Variants in NCALD observed in about 807,000 individuals in gnomAD.
NCALD encodes the protein neurocalcin delta.
Under a neutral mutation model 18.6 loss-of-function variants are expected in NCALD, and 10 were observed. That is an observed-to-expected ratio of 0.54 (90% CI 0.33 to 0.91). The LOEUF (loss-of-function observed/expected upper bound fraction) is 0.91. Among genes scored for constraint, NCALD ranks in the 40% least tolerant of loss-of-function variants. The pLI, the probability that NCALD is intolerant of heterozygous loss-of-function variation, is 0.03. For missense variants in NCALD, 184 were observed against 247.6 expected (o/e 0.74, Z 1.72); for synonymous variants, 88 against 87.4 (o/e 1.01, Z -0.04).
intron 4 of NCALD, among the ~76,000 whole-genome samples, chr8:101,827,181 G>A (rs1362143060): frequency 6.6e-6 from 1 of 152,160 alleles, no homozygotes; most frequent in Non-Finnish European, 1.5e-5. Context: ...GCTTATGGCT[G>A]CGTCACTACA....
chr8:101,805,169 A>G (rs1464416483), intron 4 of NCALD, among the ~76,000 whole-genome samples: 1 of 152,216 alleles, frequency 6.6e-6, no homozygotes, highest in Non-Finnish European at 1.5e-5. Context: ...TCAAGAAAAT[A>G]TACTAAAACT....
intron 1 of NCALD, among the ~76,000 whole-genome samples, chr8:101,741,936 CAA>C (rs71278804): frequency 0.079 from 6,030 of 76,100 alleles, 390 homozygotes; most frequent in African/African-American, 0.22. Context: ...AAGCCTGTCT[CAA>C]AAAAAAAAAA....
intron 2 of NCALD, among the ~76,000 whole-genome samples, chr8:101,713,941 T>C (rs1230969854): frequency 1.3e-5 from 2 of 152,004 alleles, no homozygotes; most frequent in African/African-American, 4.8e-5. Flanking sequence ...AAATTCAAAA[T>C]CCCTTCATGC....
chr8:101,806,152 C>G (rs952984200), intron 4 of NCALD, among the ~76,000 whole-genome samples: 2 of 151,812 alleles, frequency 1.3e-5, no homozygotes, highest in Admixed American at 1.3e-4. Context: ...ATAGACCTCA[C>G]TAAAATAGTT....
At chr8:101,889,454 T>C (rs1238792724) in intron 3 of NCALD, among the ~76,000 whole-genome samples, 2 of 152,206 alleles carry the variant, frequency 1.3e-5, no homozygotes, top group Non-Finnish European at 2.9e-5. Context: ...TCCAATAAAT[T>C]GCATTGCCTC....
At chr8:102,109,027 T>C (rs1450685800) in intron 1 of NCALD, among the ~76,000 whole-genome samples, 1 of 151,786 alleles carries the variant, frequency 6.6e-6, no homozygotes, top group Non-Finnish European at 1.5e-5. Context: ...AATGCAGGAG[T>C]GATGAAAATG....
chr8:102,009,091 G>A (rs1821816479), intron 2 of NCALD, among the ~76,000 whole-genome samples: 2 of 152,202 alleles, frequency 1.3e-5, no homozygotes. Flanking sequence ...TCACGGCATT[G>A]TTACTCCATT....
chr8:102,064,419 G>A (rs549158535), intron 1 of NCALD, among the ~76,000 whole-genome samples: 18 of 152,306 alleles, frequency 1.2e-4, no homozygotes, highest in African/African-American at 4.3e-4. Flanking sequence ...GGCAAGGCAG[G>A]CTGAGGGAGA....
chr8:101,700,296 T>C, intron 2 of NCALD, among the ~76,000 whole-genome samples: 1 of 152,148 alleles, frequency 6.6e-6, no homozygotes. Context: ...ACTCCTGGGC[T>C]TCCTGCCTCA....
upstream of NCALD, chr8:101,790,970 GA>G: frequency 6.6e-6 from 1 of 152,392 alleles, no homozygotes; most frequent in Admixed American, 6.5e-5. Context: ...ACAAGCCTTT[GA>G]CTGTGTGGAC....
intron 4 of NCALD, among the ~76,000 whole-genome samples, chr8:101,806,264 T>G (rs1235836637): frequency 6.6e-6 from 1 of 152,084 alleles, no homozygotes; most frequent in African/African-American, 2.4e-5. Context: ...CTATACTATA[T>G]TACCTTAAAG....
chr8:101,942,168 C>A (rs181697194), intron 2 of NCALD, among the ~76,000 whole-genome samples: 4 of 152,146 alleles, frequency 2.6e-5, no homozygotes, highest in Non-Finnish European at 5.9e-5. Flanking sequence ...CACCCATTCT[C>A]GGAACTAGAA....
intron 4 of NCALD, among the ~76,000 whole-genome samples, chr8:101,805,099 A>G (rs1235916005): frequency 6.6e-6 from 1 of 152,154 alleles, no homozygotes; most frequent in African/African-American, 2.4e-5. Context: ...TTTTAAAATC[A>G]TATATATAAA....
At chr8:102,018,524 T>C (rs889227933) in intron 2 of NCALD, among the ~76,000 whole-genome samples, 1 of 151,978 alleles carries the variant, frequency 6.6e-6, no homozygotes, top group African/African-American at 2.4e-5. Flanking sequence ...GCCATTTATA[T>C]ATTCTGGAAA....
intron 1 of NCALD, among the ~76,000 whole-genome samples, chr8:101,746,475 A>G (rs1022262728): frequency 1.3e-5 from 2 of 152,196 alleles, no homozygotes; most frequent in African/African-American, 4.8e-5. Context: ...TGTTAGTGCC[A>G]TAATTTCATG....
At chr8:102,027,600 T>C (rs753949866) in intron 1 of NCALD, among the ~76,000 whole-genome samples, 6 of 152,218 alleles carry the variant, frequency 3.9e-5, no homozygotes, top group South Asian at 2.1e-4. Context: ...TTCCAACCTC[T>C]ACCTGTTACC....
chr8:101,797,636 T>A (rs990780564), intron 4 of NCALD, among the ~76,000 whole-genome samples: 2 of 151,958 alleles, frequency 1.3e-5, no homozygotes, highest in Non-Finnish European at 2.9e-5. Flanking sequence ...GCCAACATGG[T>A]GAAACACTGT....
intron 1 of NCALD, among the ~76,000 whole-genome samples, chr8:101,788,143 C>T (rs1812304137): frequency 6.6e-6 from 1 of 152,132 alleles, no homozygotes; most frequent in South Asian, 2.1e-4. Context: ...TTCACACACT[C>T]GAAGAATAAA....
intron 3 of NCALD, among the ~76,000 whole-genome samples, chr8:101,909,852 G>A (rs1168659742): frequency 2.6e-5 from 4 of 152,082 alleles, no homozygotes; most frequent in South Asian, 2.1e-4. Flanking sequence ...TGACATTTCC[G>A]TTTTTTAATA....
Sources: allele counts gnomAD v4.1 joint callset (sites outside exome capture counted in the v4.1 genomes callset), GRCh38; gene constraint gnomAD v4.1.1; transcripts MANE v1.5; gene names NCBI Gene and HGNC (gene_info 2026-07-23, HGNC 2026-07-21).